Variants in RHNO1 observed in about 807,000 individuals in gnomAD.
RHNO1 encodes the protein RAD9-HUS1-RAD1 interacting nuclear orphan 1.
RHNO1 carries 9 observed loss-of-function variants against 7.2 expected under a neutral mutation model. The observed-to-expected ratio is 1.25, with a 90% CI of 0.75 to 2.18. RHNO1 has a LOEUF of 2.18. Ranked by LOEUF, RHNO1 falls within the 30% of genes most tolerant of loss-of-function variation. The probability of loss-of-function intolerance (pLI) is 0.00; values close to 1 mark genes in which losing one functional copy is unlikely to be tolerated. For missense variants in RHNO1, 292 were observed against 284.5 expected, an observed-to-expected ratio of 1.03 and a Z score of -0.19; for synonymous variants, 95 against 107.5, an observed-to-expected ratio of 0.88 and a Z score of 0.72.
At chr12:2,887,803 G>A in intron 2 of RHNO1, 108 bp from the exon 3 acceptor site, 4 of 870,234 alleles carry the variant, frequency 4.6e-6, no homozygotes, top group Non-Finnish European at 6.8e-6. Flanking sequence ...TTAGTTTTGT[G>A]TTCATTACTA....
At chr12:2,887,597 G>A (rs979492793) in intron 2 of RHNO1, among the ~76,000 whole-genome samples, 13 of 152,162 alleles carry the variant, frequency 8.5e-5, no homozygotes, top group East Asian at 3.9e-4. Context: ...GCAATGAGCC[G>A]AGATGGTGCC....
rs562529365 is a variant in RHNO1, at chr12:2,888,084, G to A, written c.342G>A (p.Glu114=). Residue 114 remains glutamate (E), a synonymous_variant, in exon 3 of 3, where the codon GAG becomes GAA. Coordinates refer to ENST00000489288, the MANE Select transcript of RHNO1 (RefSeq NM_001252499.3). ...CATTGGGGATCCCCTTAATCCGAGA[G>A]TGCCCCAGTGAATCAGAAAAGGATG... is the stretch of plus-strand genomic sequence containing the variant. The part of the protein sequence containing the change: ...SETLGIPLIR[E]CPSESEKDVS... The A allele has an allele frequency of 1.9e-6, 3 of 1,613,972 alleles. No individual in the cohort carries two copies. Among genetic ancestry groups the A allele is most frequent in the Admixed American group, 1.7e-5 (1 of 59,974 alleles).
intron 1 of RHNO1, chr12:2,877,843 T>G (rs1302027887): frequency 6.6e-6 from 1 of 152,348 alleles, no homozygotes; most frequent in Non-Finnish European, 1.5e-5. Context: ...TCCCCTGGGC[T>G]CACAGCCCAA....
intron 2 of RHNO1, among the ~76,000 whole-genome samples, chr12:2,886,758 G>A (rs1335665330): frequency 6.6e-6 from 1 of 152,082 alleles, no homozygotes; most frequent in African/African-American, 2.4e-5. Flanking sequence ...GCATAAGCTT[G>A]GCTTAGGAGT....
chr12:2,887,027 C>G (rs1244981491), intron 2 of RHNO1: 1 of 454,808 alleles, frequency 2.2e-6, no homozygotes, highest in African/African-American at 2.0e-5. Flanking sequence ...GGTCCCTACC[C>G]TCATGAAGTT....
rs1169270770 is a variant in RHNO1, at chr12:2,888,032, A to G, written c.290A>G (p.Glu97Gly). The stretch of plus-strand genomic sequence containing the variant: ...TCCAAGTTTCCACATCTAACTTTTG[A>G]GAGTCCGCAATCTTCCAGTTCAGAG... ...TTSKFPHLTF[E>G]SPQSSSSETL... The change falls in exon 3 of 3, where the codon GAG becomes GGG. Residue 97 changes from glutamate to glycine, a missense_variant. Glu to Gly is a moderately conservative substitution (Grantham distance 98, BLOSUM62 -2). Transcript: ENST00000489288. 6.2e-7 allele frequency: 1 copy of G among 1,614,120 alleles called. No homozygotes were observed.
At chr12:2,878,258 A>G (rs2098151371) in intron 1 of RHNO1, 1 of 152,244 alleles carries the variant, frequency 6.6e-6, no homozygotes, top group Non-Finnish European at 1.5e-5. Flanking sequence ...CGAGATCTTG[A>G]GAGGTAGGAC....
At chr12:2,878,707 AAAG>A (rs936444268) in intron 1 of RHNO1, among the ~76,000 whole-genome samples, 9 of 151,922 alleles carry the variant, frequency 5.9e-5, no homozygotes, top group African/African-American at 1.9e-4. Flanking sequence ...AGAGGAAGAG[AAAG>A]AAGGAGACAG....
At chr12:2,883,486 TATATATATATATATATATA>T (rs2098160955) in intron 1 of RHNO1, among the ~76,000 whole-genome samples, 1 of 28,978 alleles carries the variant, frequency 3.5e-5, no homozygotes, top group African/African-American at 8.4e-5. Flanking sequence ...AATATATATA[TATATATATATATATATATA>T]TATATATTTT....
rs63461760 is a variant in RHNO1 at position 2,879,327 on chromosome 12, AT to A, written c.-85+2054del. On this transcript the variant is annotated intron_variant, in intron 1 of 2. Coordinates refer to ENST00000489288, the MANE Select transcript of RHNO1 (RefSeq NM_001252499.3). Reference sequence around the variant, plus strand: ...CCAAGTTCAGTTTTAAACTTGTTGAATTTTTTTTTCTTTTCTTTTTTTGAAA... The same window carrying A: ...CCAAGTTCAGTTTTAAACTTGTTGAATTTTTTTTCTTTTCTTTTTTTGAAA... 7.3e-5 allele frequency among the ~76,000 whole-genome samples: 11 copies of A among 150,110 alleles called. No individual in the cohort carries two copies. In the East Asian group the frequency reaches 7.9e-4, roughly 11 times the overall value.
intron 1 of RHNO1, among the ~76,000 whole-genome samples, chr12:2,884,180 T>C (rs2098162571): frequency 1.3e-5 from 2 of 151,426 alleles, no homozygotes; most frequent in African/African-American, 4.8e-5. Flanking sequence ...CCTGCCTCAG[T>C]CTCCCATGTA....
intron 1 of RHNO1, among the ~76,000 whole-genome samples, chr12:2,882,926 G>C (rs1181821163): frequency 6.6e-6 from 1 of 151,982 alleles, no homozygotes; most frequent in Non-Finnish European, 1.5e-5. Flanking sequence ...AAGTTAACCA[G>C]GTGCAGTGTG....
chr12:2,883,606 C>T (rs1289417287), intron 1 of RHNO1, among the ~76,000 whole-genome samples: 8 of 148,116 alleles, frequency 5.4e-5, no homozygotes, highest in Non-Finnish European at 1.0e-4. Context: ...CAACCTCCGC[C>T]TCCCGGGTTC....
chr12:2,880,391 C>T (rs1026175175), intron 1 of RHNO1, among the ~76,000 whole-genome samples: 3 of 151,702 alleles, frequency 2.0e-5, no homozygotes, highest in Admixed American at 6.6e-5. Flanking sequence ...CCGAGGTGGG[C>T]AGATCACCTG....
At chr12:2,882,638 G>A (rs2098159390) in intron 1 of RHNO1, among the ~76,000 whole-genome samples, 1 of 152,060 alleles carries the variant, frequency 6.6e-6, no homozygotes, top group African/African-American at 2.4e-5. Context: ...GGGAGGTGGC[G>A]GTTGCAGTGA....
At chr12:2,881,836 T>G (rs2098158123) in intron 1 of RHNO1, among the ~76,000 whole-genome samples, 1 of 149,214 alleles carries the variant, frequency 6.7e-6, no homozygotes, top group Admixed American at 6.7e-5. Flanking sequence ...ACCCAGGAGG[T>G]AGAGGTTGTG....
At chr12:2,881,567 G>GAT (rs1191041238) in intron 1 of RHNO1, among the ~76,000 whole-genome samples, 1 of 151,978 alleles carries the variant, frequency 6.6e-6, no homozygotes. Flanking sequence ...TGAACAAATG[G>GAT]ATATATATAT....
At chr12:2,882,415 G>C (rs1020637505) in intron 1 of RHNO1, among the ~76,000 whole-genome samples, 3 of 151,260 alleles carry the variant, frequency 2.0e-5, no homozygotes, top group Middle Eastern at 3.4e-3. Flanking sequence ...GGCTACCAGA[G>C]GGGCCAGGCA....
At chr12:2,887,590 A>G (rs968094646) in intron 2 of RHNO1, among the ~76,000 whole-genome samples, 4 of 152,060 alleles carry the variant, frequency 2.6e-5, no homozygotes, top group African/African-American at 7.2e-5. Flanking sequence ...AGAGGTTGCA[A>G]TGAGCCGAGA....
Sources: allele counts gnomAD v4.1 joint callset (sites outside exome capture counted in the v4.1 genomes callset), GRCh38; gene constraint gnomAD v4.1.1; transcripts MANE v1.5; gene names NCBI Gene and HGNC (gene_info 2026-07-23, HGNC 2026-07-21).